SKAP2: variants seen among roughly 807,000 people sequenced by gnomAD.
SKAP2 encodes the protein src kinase-associated phosphoprotein 2.
In SKAP2, 28 loss-of-function variants were observed where a neutral mutation model predicts 54.9. The ratio of observed to expected loss-of-function variants is 0.51; its 90% confidence interval spans 0.38 to 0.70. SKAP2 has a LOEUF of 0.70. Among genes scored for constraint, SKAP2 ranks in the 30% least tolerant of loss-of-function variants. The pLI, the probability that SKAP2 is intolerant of heterozygous loss-of-function variation, is 0.00. For synonymous variants in SKAP2, 137 were observed against 134.3 expected, an observed-to-expected ratio of 1.02 and a Z score of -0.14; for missense variants, 356 against 424.1, an observed-to-expected ratio of 0.84 and a Z score of 1.41.
intron 4 of SKAP2, among the ~76,000 whole-genome samples, chr7:26,778,808 A>C (rs1761122132): frequency 6.6e-6 from 1 of 152,016 alleles, no homozygotes; most frequent in Non-Finnish European, 1.5e-5. Context: ...ATAATATATA[A>C]AATAAATTTA....
chr7:26,854,822 C>T lies in SKAP2; in HGVS notation c.136G>A (p.Glu46Lys). 1 of 1,602,126 alleles carries T rather than the reference C, an allele frequency of 6.2e-7. No homozygotes were observed. The highest frequency in any genetic ancestry group is 8.5e-7 in the Non-Finnish European group (1 of 1,172,190). ...NLSKKAKEKRESLIKKIKDVK... is the reference protein window; with the variant it reads ...NLSKKAKEKRKSLIKKIKDVK... ...TCTTTTATCTTCTTAATAAGGGATT[C>T]TCTCTTTTCCTTTGCTTTCTTGGAT... The change falls in exon 2 of 13, where the codon GAA (glutamate) becomes AAA (lysine). Residue 46 changes from glutamate (E) to lysine (K), a missense_variant. Coordinates refer to ENST00000345317, the MANE Select transcript of SKAP2 (RefSeq NM_003930.5).
chr7:26,837,748 G>A (rs141108010), intron 4 of SKAP2, among the ~76,000 whole-genome samples: 2 of 146,538 alleles, frequency 1.4e-5, no homozygotes, highest in East Asian at 5.0e-4. Context: ...GATACTGTTG[G>A]TCTACTGACC....
chr7:26,817,899 C>T (rs1281583521), intron 4 of SKAP2, among the ~76,000 whole-genome samples: 2 of 152,096 alleles, frequency 1.3e-5, no homozygotes, highest in Non-Finnish European at 2.9e-5. Context: ...AGGACTTCTT[C>T]AAGGAGAACT....
intron 4 of SKAP2, among the ~76,000 whole-genome samples, chr7:26,788,910 A>G (rs1476508837): frequency 6.6e-6 from 1 of 152,190 alleles, no homozygotes; most frequent in East Asian, 1.9e-4. Context: ...CTTCGGAATA[A>G]TTATAAACAG....
chr7:26,701,432 C>T (rs1787019412), intron 9 of SKAP2, among the ~76,000 whole-genome samples: 2 of 151,994 alleles, frequency 1.3e-5, no homozygotes, highest in African/African-American at 4.8e-5. Context: ...ATGGATACCC[C>T]CTTTAAAATT....
At chr7:26,733,595 G>C (rs1441751689) in intron 6 of SKAP2, among the ~76,000 whole-genome samples, 2 of 152,012 alleles carry the variant, frequency 1.3e-5, no homozygotes, top group Non-Finnish European at 2.9e-5. Flanking sequence ...ACTTCAAAGA[G>C]AACATATATG....
intron 1 of SKAP2, among the ~76,000 whole-genome samples, chr7:26,864,083 A>C (rs1290252945): frequency 6.8e-6 from 1 of 147,184 alleles, no homozygotes; most frequent in Admixed American, 6.7e-5. Context: ...ACACACACAC[A>C]CCGTCTTCAC....
At chr7:26,678,474 C>G (rs927523628) in intron 11 of SKAP2, among the ~76,000 whole-genome samples, 9 of 144,776 alleles carry the variant, frequency 6.2e-5, no homozygotes, top group African/African-American at 2.4e-4. Context: ...TGGAGTCATG[C>G]TCTGTCACCA....
chr7:26,702,010 A>G (rs1460896034), intron 9 of SKAP2, among the ~76,000 whole-genome samples: 1 of 152,242 alleles, frequency 6.6e-6, no homozygotes, highest in South Asian at 2.1e-4. Context: ...TTCGGTGGCT[A>G]TCATGGATTC....
chr7:26,669,537 A>G lies in SKAP2; in HGVS notation c.*129T>C, dbSNP rs992887747. On this transcript the variant is annotated 3_prime_UTR_variant, in exon 13 of 13. Transcript: ENST00000345317. ...ATATTTTAATGAGCGACTGCATAAA[A>G]TAACAGTCAAAGATAAGTAATGTTT... The G allele has an allele frequency of 2.6e-5, 4 of 152,180 alleles. No homozygotes were observed. Among genetic ancestry groups the G allele is most frequent in the African/African-American group, 9.7e-5 (4 of 41,446 alleles). 9.4% of individuals were successfully genotyped at this position (152,180 alleles called of 1,614,324 possible). A position where few individuals can be genotyped will look rare whatever the true frequency, so the allele number is the denominator to read the frequency against.
chr7:26,851,763 T>C (rs1441391458), intron 3 of SKAP2, among the ~76,000 whole-genome samples: 1 of 151,672 alleles, frequency 6.6e-6, no homozygotes, highest in Non-Finnish European at 1.5e-5. Flanking sequence ...AAAATCTGTA[T>C]TGTTAAATCT....
chr7:26,806,526 A>T (rs1784027312), intron 4 of SKAP2, among the ~76,000 whole-genome samples: 1 of 152,204 alleles, frequency 6.6e-6, no homozygotes, highest in African/African-American at 2.4e-5. Flanking sequence ...AAAGCAAACA[A>T]ACAAAGCTAG....
chr7:26,849,824 G>GA (rs975668171), intron 3 of SKAP2, among the ~76,000 whole-genome samples: 11 of 151,840 alleles, frequency 7.2e-5, no homozygotes, highest in African/African-American at 2.7e-4. Context: ...TTTGAAAACT[G>GA]AATTTATGAA....
intron 4 of SKAP2, among the ~76,000 whole-genome samples, chr7:26,749,206 C>T (rs558941616): frequency 6.6e-6 from 1 of 151,960 alleles, no homozygotes; most frequent in Admixed American, 6.6e-5. Context: ...AGATATTTGG[C>T]CAAAAACAAA....
intron 9 of SKAP2, among the ~76,000 whole-genome samples, chr7:26,699,195 C>T (rs1052821139): frequency 1.3e-5 from 2 of 152,118 alleles, no homozygotes; most frequent in Non-Finnish European, 2.9e-5. Context: ...CGTCTGGGTA[C>T]AATATCAAAA....
At chr7:26,826,859 T>A (rs1341619526) in intron 4 of SKAP2, among the ~76,000 whole-genome samples, 3 of 152,206 alleles carry the variant, frequency 2.0e-5, no homozygotes, top group Non-Finnish European at 1.5e-5. Context: ...TTTTATTCCA[T>A]CTAGCACTTT....
At chr7:26,810,309 AAAAGAAAAAAAAGG>A (rs2127987683) in intron 4 of SKAP2, among the ~76,000 whole-genome samples, 1 of 152,228 alleles carries the variant, frequency 6.6e-6, no homozygotes. Flanking sequence ...CCATGTCTCT[AAAAGAAAAAAAAGG>A]AAAGAAAAAG....
intron 4 of SKAP2, among the ~76,000 whole-genome samples, chr7:26,823,615 A>G (rs1324059909): frequency 6.6e-6 from 1 of 152,092 alleles, no homozygotes; most frequent in Non-Finnish European, 1.5e-5. Flanking sequence ...GCAGAAGAAA[A>G]GTTAGAATCT....
At chr7:26,793,450 G>T (rs772039953) in intron 4 of SKAP2, among the ~76,000 whole-genome samples, 2 of 152,116 alleles carry the variant, frequency 1.3e-5, no homozygotes, top group Non-Finnish European at 2.9e-5. Flanking sequence ...AACTCAAATT[G>T]TACAGTAGAT....
Sources: gnomAD v4.1 joint callset for allele counts (sites outside exome capture counted in the v4.1 genomes callset) on GRCh38, gnomAD v4.1.1 for gene constraint, MANE v1.5 for transcripts, NCBI Gene and HGNC (gene_info 2026-07-23, HGNC 2026-07-21) for gene names.